Variants in SLC38A9 observed in about 807,000 individuals in gnomAD.
SLC38A9 encodes the protein solute carrier family 38 member 9.
A neutral mutation model predicts 62.3 loss-of-function variants in SLC38A9; 48 were observed. The observed-to-expected ratio is 0.77, with a 90% CI of 0.61 to 0.98. The LOEUF (loss-of-function observed/expected upper bound fraction) is 0.98. SLC38A9 is among the 50% of genes least tolerant of loss of function. The pLI, the probability that SLC38A9 is intolerant of heterozygous loss-of-function variation, is 0.00. For synonymous variants in SLC38A9, 204 were observed against 227.7 expected, an observed-to-expected ratio of 0.90 and a Z score of 0.94; for missense variants, 541 against 679.8, an observed-to-expected ratio of 0.80 and a Z score of 2.27.
At chr5:55,650,866 A>G (rs531515634) in intron 10 of SLC38A9, among the ~76,000 whole-genome samples, 2 of 152,286 alleles carry the variant, frequency 1.3e-5, no homozygotes, top group African/African-American at 4.8e-5. Flanking sequence ...ATCTCGGCTC[A>G]CTGCAACCTC....
intron 3 of SLC38A9, among the ~76,000 whole-genome samples, chr5:55,695,463 ATGGCTCT>A (rs1403701679): frequency 1.1e-5 from 1 of 89,492 alleles, no homozygotes; most frequent in Non-Finnish European, 2.7e-5. Context: ...GGGAGTGGTG[ATGGCTCT>A]TAATGAGCAT....
At chr5:55,642,727 T>C (rs917607819) in intron 12 of SLC38A9, among the ~76,000 whole-genome samples, 16 of 152,188 alleles carry the variant, frequency 1.1e-4, no homozygotes, top group African/African-American at 3.6e-4. Flanking sequence ...AATTTTTACA[T>C]ATGACAAAAA....
At chr5:55,695,032 C>T (rs1222919152) in intron 3 of SLC38A9, among the ~76,000 whole-genome samples, 1 of 152,150 alleles carries the variant, frequency 6.6e-6, no homozygotes, top group East Asian at 1.9e-4. Context: ...GGATTACAGG[C>T]ATGAGCCACC....
At chr5:55,632,282 C>CA (rs1409614384) in intron 14 of SLC38A9, among the ~76,000 whole-genome samples, 1 of 151,900 alleles carries the variant, frequency 6.6e-6, no homozygotes, top group Non-Finnish European at 1.5e-5. Context: ...CTAAAAAATA[C>CA]AAAAAATTAG....
At chr5:55,659,390 A>T (rs4865968) in intron 8 of SLC38A9, among the ~76,000 whole-genome samples, 72,922 of 127,416 alleles carry the variant, frequency 0.57, 22,022 homozygotes, top group South Asian at 0.69. Context: ...TTTTTTTTTT[A>T]TTTTATTTTG....
chr5:55,688,380 C>T (rs1444099199), intron 3 of SLC38A9, among the ~76,000 whole-genome samples: 11 of 123,282 alleles, frequency 8.9e-5, no homozygotes, highest in East Asian at 2.3e-4. Context: ...GGCATAATCT[C>T]TTTTTTTTTT....
At chr5:55,635,455 G>T in intron 13 of SLC38A9, 89 bp downstream of exon 13, 1 of 921,468 alleles carries the variant, frequency 1.1e-6, no homozygotes, top group Non-Finnish European at 1.8e-6. Context: ...AGGCCTATCT[G>T]ATGTTATATC....
rs775611545 is a variant in SLC38A9 at position 55,652,649 on chromosome 5, C to A, written c.832G>T (p.Ala278Ser). The change falls in exon 10 of 16, where the codon GCC (alanine) becomes TCC (serine). Residue 278 changes from alanine to serine, a missense_variant. Coordinates refer to ENST00000396865, the MANE Select transcript of SLC38A9 (RefSeq NM_173514.4). ...TCCCACCACTTTTCAAACTGTTGGG[C>A]TCCTGTGTCATTGGCATAGAAAATC... is the stretch of plus-strand genomic sequence containing the variant. ...SMIFYANDTG[A>S]QQFEKWWDKS... 6.2e-7 allele frequency: 1 copy of A among 1,613,618 alleles called. No individual in the cohort carries two copies. Among genetic ancestry groups the A allele is most frequent in the Admixed American group, 1.7e-5 (1 of 59,976 alleles).
At chr5:55,695,658 T>C (rs1453517184) in intron 3 of SLC38A9, among the ~76,000 whole-genome samples, 1 of 89,656 alleles carries the variant, frequency 1.1e-5, no homozygotes, top group African/African-American at 3.5e-5. Context: ...AAGTCTCCCA[T>C]GTCTACTTCT....
At chr5:55,648,539 G>T (rs1313605239) in intron 11 of SLC38A9, among the ~76,000 whole-genome samples, 1 of 152,126 alleles carries the variant, frequency 6.6e-6, no homozygotes, top group East Asian at 1.9e-4. Context: ...TAAGCAGGAA[G>T]AAGATAATTG....
intron 7 of SLC38A9, 68 bp downstream of exon 7, chr5:55,669,160 A>T: frequency 8.9e-7 from 1 of 1,122,784 alleles, no homozygotes; most frequent in Non-Finnish European, 1.3e-6. Context: ...TATACACACT[A>T]GTGATCTGCC....
At chr5:55,691,270 A>C in intron 3 of SLC38A9, 1 of 1,395,636 alleles carries the variant, frequency 7.2e-7, no homozygotes, top group Non-Finnish European at 9.8e-7. Flanking sequence ...TTTCCATTAT[A>C]ATACCAAGCT....
intron 12 of SLC38A9, among the ~76,000 whole-genome samples, chr5:55,644,959 C>T (rs1387690274): frequency 6.6e-6 from 1 of 151,342 alleles, no homozygotes; most frequent in Non-Finnish European, 1.5e-5. Flanking sequence ...TGAGTGAGAA[C>T]ATGCGGTGTT....
chr5:55,660,549 G>A (rs1482848517), intron 8 of SLC38A9, among the ~76,000 whole-genome samples: 2 of 152,242 alleles, frequency 1.3e-5, no homozygotes, highest in African/African-American at 4.8e-5. Context: ...ATAGATGTAT[G>A]TATGTATAAT....
rs971735631 is a variant in SLC38A9 at position 55,693,866 on chromosome 5, GC to G, written c.113+3979del. Among the ~76,000 whole-genome samples, 128 of 152,006 alleles carry G rather than the reference GC, an allele frequency of 8.4e-4. 4 individuals are homozygous for G. Among genetic ancestry groups the G allele is most frequent in the Admixed American group, 8.4e-3 (128 of 15,244 alleles). ...GCTTGAGCCCTGGAGTTCAAGACCA[GC>G]CTGGCCAATAAAGTGAGATGCAATC... On this transcript the variant is annotated intron_variant, in intron 3 of 15. Coordinates refer to ENST00000396865, the MANE Select transcript of SLC38A9 (RefSeq NM_173514.4).
chr5:55,662,467 C>G (rs1014320993), intron 8 of SLC38A9, among the ~76,000 whole-genome samples: 10 of 151,950 alleles, frequency 6.6e-5, no homozygotes, highest in Non-Finnish European at 1.5e-4. Flanking sequence ...GTCAGGAGAT[C>G]GAGACCATCC....
intron 8 of SLC38A9, among the ~76,000 whole-genome samples, chr5:55,663,296 CAAAAAAAAAAAA>C (rs555065009): frequency 4.3e-5 from 4 of 93,120 alleles, no homozygotes; most frequent in African/African-American, 1.9e-4. Context: ...TCTGTCTCTA[CAAAAAAAAAAAA>C]AAAAAAAAAA....
chr5:55,662,585 G>A (rs922748746), intron 8 of SLC38A9, among the ~76,000 whole-genome samples: 3 of 151,200 alleles, frequency 2.0e-5, no homozygotes, highest in Admixed American at 1.3e-4. Flanking sequence ...CAGGAGAATC[G>A]CTTGAACCTG....
intron 12 of SLC38A9, among the ~76,000 whole-genome samples, chr5:55,638,827 G>A (rs903847462): frequency 6.6e-6 from 1 of 152,052 alleles, no homozygotes; most frequent in East Asian, 1.9e-4. Flanking sequence ...ACAAAGCAGG[G>A]TAATACAACT....
Sources: allele counts gnomAD v4.1 joint callset (sites outside exome capture counted in the v4.1 genomes callset), GRCh38; gene constraint gnomAD v4.1.1; transcripts MANE v1.5; gene names NCBI Gene and HGNC (gene_info 2026-07-23, HGNC 2026-07-21).